Variants in STAC observed in about 807,000 individuals in gnomAD.
STAC encodes SH3 and cysteine-rich domain-containing protein.
STAC carries 43 observed loss-of-function variants against 48.8 expected under a neutral mutation model. That is an observed-to-expected ratio of 0.88 (90% confidence interval 0.69 to 1.14). The LOEUF is 1.14. Among genes scored for constraint, STAC ranks in the 50% most tolerant of loss-of-function variants. The pLI is 0.00. For synonymous variants in STAC, 193 were observed against 179.5 expected (o/e 1.07, Z -0.60); for missense variants, 497 against 504.0 (o/e 0.99, Z 0.13).
chr3:36,453,484 C>CCTGGG (rs549860748), intron 2 of STAC, among the ~76,000 whole-genome samples: 164 of 152,340 alleles, frequency 1.1e-3, no homozygotes, highest in African/African-American at 3.9e-3. Context: ...GGTCTTAGCA[C>CCTGGG]CTGGGCCAGC....
At chr3:36,478,983 G>T (rs1222874521) in intron 2 of STAC, among the ~76,000 whole-genome samples, 1 of 152,040 alleles carries the variant, frequency 6.6e-6, no homozygotes, top group Non-Finnish European at 1.5e-5. Context: ...TACTTCTTTT[G>T]ACGCTCCAGT....
intron 1 of STAC, among the ~76,000 whole-genome samples, chr3:36,420,654 C>T (rs80305335): frequency 6.6e-6 from 1 of 152,126 alleles, no homozygotes; most frequent in Non-Finnish European, 1.5e-5. Flanking sequence ...CTCAAACCAT[C>T]CCCCCTCTAC....
chr3:36,385,515 G>A (rs1699597043), intron 1 of STAC, among the ~76,000 whole-genome samples: 1 of 151,892 alleles, frequency 6.6e-6, no homozygotes. Context: ...TTTCATCAAA[G>A]TACAACATCA....
chr3:36,429,411 G>A (rs6774392), intron 1 of STAC, among the ~76,000 whole-genome samples: 3,540 of 152,306 alleles, frequency 0.023, 59 homozygotes, highest in East Asian at 0.026. Context: ...TATGACTGCC[G>A]ATGTGTTTCT....
intron 8 of STAC, among the ~76,000 whole-genome samples, chr3:36,523,116 T>A (rs578123890): frequency 1.9e-4 from 29 of 152,368 alleles, no homozygotes; most frequent in South Asian, 1.2e-3. Context: ...CTCACGCACA[T>A]GTGTGCAAGT....
At chr3:36,412,711 ACACT>A (rs1470191053) in intron 1 of STAC, among the ~76,000 whole-genome samples, 2 of 152,352 alleles carry the variant, frequency 1.3e-5, no homozygotes, top group African/African-American at 4.8e-5. Flanking sequence ...AATTCTACAC[ACACT>A]CACTCACCTG....
chr3:36,532,797 C>T (rs146666714), intron 10 of STAC, among the ~76,000 whole-genome samples: 60 of 152,214 alleles, frequency 3.9e-4, no homozygotes, highest in African/African-American at 1.4e-3. Flanking sequence ...CCCTGGCTCA[C>T]AGAAAAGGAA....
chr3:36,475,070 G>A (rs1006830760), intron 2 of STAC, among the ~76,000 whole-genome samples: 1 of 150,708 alleles, frequency 6.6e-6, no homozygotes, highest in African/African-American at 2.5e-5. Context: ...AACTTAGTTT[G>A]ATTTTTTCCT....
At chr3:36,545,902 TGA>T (rs1388807476) in intron 10 of STAC, among the ~76,000 whole-genome samples, 1 of 152,224 alleles carries the variant, frequency 6.6e-6, no homozygotes, top group African/African-American at 2.4e-5. Flanking sequence ...GTCCTCACAG[TGA>T]CTCTTCAGAG....
chr3:36,486,094 C>G, intron 4 of STAC, 40 bp from the exon 5 acceptor site: 3 of 1,544,370 alleles, frequency 1.9e-6, no homozygotes, highest in Middle Eastern at 1.7e-4. Flanking sequence ...TGGGTCCTCT[C>G]AGATGAGCTT....
intron 1 of STAC, among the ~76,000 whole-genome samples, chr3:36,425,903 T>C (rs1214943840): frequency 6.6e-6 from 1 of 152,010 alleles, no homozygotes; most frequent in Non-Finnish European, 1.5e-5. Context: ...TGGTGATGTG[T>C]GCTTGTGGTC....
chr3:36,545,883 T>A (rs1373856168), intron 10 of STAC, among the ~76,000 whole-genome samples: 2 of 152,228 alleles, frequency 1.3e-5, no homozygotes, highest in African/African-American at 4.8e-5. Context: ...AACATTATTA[T>A]CTCATTCTGT....
intron 2 of STAC, among the ~76,000 whole-genome samples, chr3:36,472,660 A>AAATGCCACCC (rs1396458850): frequency 6.6e-6 from 1 of 152,212 alleles, no homozygotes; most frequent in Non-Finnish European, 1.5e-5. Context: ...GGCAGGGGCA[A>AAATGCCACCC]AATGCCACCC....
chr3:36,466,772 T>C (rs754902186), intron 2 of STAC, among the ~76,000 whole-genome samples: 17 of 152,138 alleles, frequency 1.1e-4, no homozygotes, highest in Non-Finnish European at 1.8e-4. Flanking sequence ...TTTCTAGGTA[T>C]AGGATTGTAT....
chr3:36,537,520 C>G (rs1207200563), intron 10 of STAC, among the ~76,000 whole-genome samples: 2 of 151,970 alleles, frequency 1.3e-5, no homozygotes, highest in African/African-American at 4.8e-5. Flanking sequence ...AGGGAGGGAA[C>G]AACACACACT....
chr3:36,462,287 G>A (rs1197393902), intron 2 of STAC, among the ~76,000 whole-genome samples: 8 of 151,832 alleles, frequency 5.3e-5, no homozygotes, highest in African/African-American at 1.9e-4. Context: ...TCTGGAGTAT[G>A]CATTGGGGGA....
At chr3:36,480,058 T>C (rs750072564) in intron 2 of STAC, among the ~76,000 whole-genome samples, 6 of 152,220 alleles carry the variant, frequency 3.9e-5, no homozygotes, top group Non-Finnish European at 8.8e-5. Context: ...ACTGAAATCA[T>C]GGTGTTTGGG....
rs149028605 is a variant in STAC, at chr3:36,488,230, G to A, written c.687+1981G>A. Reference sequence around the variant, plus strand: ...TTACAGGTGCATGCCACTGCACCCAGCTGTTTCATTTTCATTACGCATCTA... The same window carrying A: ...TTACAGGTGCATGCCACTGCACCCAACTGTTTCATTTTCATTACGCATCTA... On this transcript the variant is annotated intron_variant, in intron 5 of 10. Coordinates refer to ENST00000273183, the MANE Select transcript of STAC (RefSeq NM_003149.3). 5.2e-3 allele frequency among the ~76,000 whole-genome samples: 795 copies of A among 152,250 alleles called. 9 individuals are homozygous for A. The highest frequency in any genetic ancestry group is 0.017 in the African/African-American group (716 of 41,540).
At chr3:36,417,713 G>A (rs1700351550) in intron 1 of STAC, among the ~76,000 whole-genome samples, 1 of 152,166 alleles carries the variant, frequency 6.6e-6, no homozygotes, top group Non-Finnish European at 1.5e-5. Flanking sequence ...CAAGGGAATA[G>A]TATAGGTTTG....
Sources: allele counts gnomAD v4.1 joint callset (sites outside exome capture counted in the v4.1 genomes callset), GRCh38; gene constraint gnomAD v4.1.1; transcripts MANE v1.5; gene names NCBI Gene and HGNC (gene_info 2026-07-23, HGNC 2026-07-21).